KLF8: variants seen among roughly 807,000 people sequenced by gnomAD.
The protein encoded by KLF8 is Krueppel-like factor 8.
A neutral mutation model predicts 18.2 loss-of-function variants in KLF8; 10 were observed. That is an observed-to-expected ratio of 0.55 (90% CI 0.34 to 0.93). The LOEUF (loss-of-function observed/expected upper bound fraction) is 0.93, where lower values mean the gene tolerates loss of function less well. Ranked by LOEUF, KLF8 falls within the 40% of genes least tolerant of loss-of-function variation. The pLI is 0.02. For synonymous variants in KLF8, 109 were observed against 97.3 expected (o/e 1.12, Z -0.71); for missense variants, 264 against 277.9 (o/e 0.95, Z 0.36).
the KLF8 span, among the ~76,000 whole-genome samples, chrX:56,082,730 C>T: frequency 6.3e-5 from 7 of 111,477 alleles, no homozygotes; most frequent in African/African-American, 2.3e-4. Context: ...TATAGAATTT[C>T]CACAAATTTG....
intron 1 of KLF8, among the ~76,000 whole-genome samples, chrX:56,234,054 GCTGT>G (rs2066440573): frequency 9.0e-6 from 1 of 111,277 alleles, no homozygotes; most frequent in East Asian, 2.8e-4. Context: ...ACTTGGCGGA[GCTGT>G]CTTTTTGTGG....
chrX:56,050,349 A>G, the KLF8 span, among the ~76,000 whole-genome samples: 3 of 111,006 alleles, frequency 2.7e-5, no homozygotes, highest in Non-Finnish European at 5.7e-5. Flanking sequence ...AGTTCTTTTA[A>G]TTGTGATGTT....
the KLF8 span, among the ~76,000 whole-genome samples, chrX:56,146,215 T>C: frequency 8.9e-6 from 1 of 112,189 alleles, no homozygotes; most frequent in South Asian, 3.7e-4. Context: ...TTACTGGGTA[T>C]ATACCCAAAG....
chrX:56,046,923 G>A, the KLF8 span, among the ~76,000 whole-genome samples: 30 of 111,613 alleles, frequency 2.7e-4, no homozygotes, highest in East Asian at 7.0e-3. Flanking sequence ...AGCAAGGCCA[G>A]GGAAGTTTAC....
chrX:56,185,927 A>T, the KLF8 span, among the ~76,000 whole-genome samples: 3 of 112,307 alleles, frequency 2.7e-5, no homozygotes, highest in African/African-American at 9.7e-5. Flanking sequence ...AACATGCCAA[A>T]TTGTAAAGAC....
chrX:55,920,430 A>C, the KLF8 span, among the ~76,000 whole-genome samples: 1 of 111,776 alleles, frequency 8.9e-6, no homozygotes, highest in Non-Finnish European at 1.9e-5. Flanking sequence ...GAAATCTTTG[A>C]ACTGCGAGAA....
chrX:55,971,333 T>C, the KLF8 span, among the ~76,000 whole-genome samples: 2 of 111,521 alleles, frequency 1.8e-5, no homozygotes, highest in African/African-American at 6.5e-5. Context: ...CTTCAATAAA[T>C]TGTGCTGGCA....
At chrX:55,996,488 G>A in the KLF8 span, among the ~76,000 whole-genome samples, 1 of 111,950 alleles carries the variant, frequency 8.9e-6, no homozygotes, top group African/African-American at 3.2e-5. Flanking sequence ...ATCTGTGTGG[G>A]ATGATGTTCC....
chrX:56,117,086 G>C, the KLF8 span, among the ~76,000 whole-genome samples: 1 of 110,004 alleles, frequency 9.1e-6, no homozygotes, highest in African/African-American at 3.3e-5. Context: ...GACCAGTCTG[G>C]CCAACACAGC....
the KLF8 span, among the ~76,000 whole-genome samples, chrX:55,997,411 G>A: frequency 8.9e-6 from 1 of 111,740 alleles, no homozygotes; most frequent in Admixed American, 9.5e-5. Context: ...TGTCTGTGGG[G>A]ATCATGAAGT....
chrX:56,203,040 C>T, the KLF8 span, among the ~76,000 whole-genome samples: 9 of 111,208 alleles, frequency 8.1e-5, no homozygotes, highest in Non-Finnish European at 1.3e-4. Context: ...TACACCCCCA[C>T]CCAAAATATA....
At chrX:56,018,077 T>C in the KLF8 span, among the ~76,000 whole-genome samples, 1 of 111,773 alleles carries the variant, frequency 8.9e-6, no homozygotes, top group African/African-American at 3.2e-5. Context: ...AAATGTACAA[T>C]AAATTATTGT....
intron 2 of KLF8, among the ~76,000 whole-genome samples, chrX:56,256,230 T>C (rs190601238): frequency 1.5e-4 from 17 of 111,941 alleles, no homozygotes; most frequent in African/African-American, 5.2e-4. Context: ...TTGTAATGTC[T>C]CCTTTTTCAT....
At chrX:56,245,689 T>A (rs765050744) in intron 1 of KLF8, among the ~76,000 whole-genome samples, 22 of 112,464 alleles carry the variant, frequency 2.0e-4, no homozygotes, top group Non-Finnish European at 3.6e-4. Flanking sequence ...GTAATTTGCA[T>A]TTCTGGTGTC....
chrX:56,113,961 G>A, the KLF8 span, among the ~76,000 whole-genome samples: 1 of 111,816 alleles, frequency 8.9e-6, no homozygotes, highest in South Asian at 3.7e-4. Flanking sequence ...AGCTAGCAGG[G>A]GGACTGACTA....
the KLF8 span, among the ~76,000 whole-genome samples, chrX:55,969,630 C>T: frequency 9.0e-6 from 1 of 111,229 alleles, no homozygotes; most frequent in Non-Finnish European, 1.9e-5. Flanking sequence ...AGAAACAACA[C>T]AAAAGATCAA....
At chrX:56,280,436 A>G (rs760590952) in intron 5 of KLF8, among the ~76,000 whole-genome samples, 4 of 111,617 alleles carry the variant, frequency 3.6e-5, no homozygotes, top group Non-Finnish European at 7.5e-5. Context: ...AGGTCTCACT[A>G]TGTTGCCCAG....
chrX:56,162,472 G>T, the KLF8 span, among the ~76,000 whole-genome samples: 3 of 111,739 alleles, frequency 2.7e-5, no homozygotes, highest in African/African-American at 9.8e-5. Flanking sequence ...GCAATGCCGG[G>T]AACCCCTCCC....
At chrX:56,039,523 T>C in the KLF8 span, among the ~76,000 whole-genome samples, 1 of 111,748 alleles carries the variant, frequency 8.9e-6, no homozygotes, top group Non-Finnish European at 1.9e-5. Context: ...TGGGTATAGG[T>C]GTGCAGTCTT....
Sources: gnomAD v4.1 joint callset for allele counts (sites outside exome capture counted in the v4.1 genomes callset) on GRCh38, gnomAD v4.1.1 for gene constraint, MANE v1.5 for transcripts, NCBI Gene and HGNC (gene_info 2026-07-23, HGNC 2026-07-21) for gene names.